The following STAU2 variants were observed in gnomAD, a reference collection of about 807,000 sequenced individuals.
STAU2 encodes the protein double-stranded RNA-binding protein Staufen homolog 2.
Under a neutral mutation model 65.9 loss-of-function variants are expected in STAU2, and 20 were observed. That is an observed-to-expected ratio of 0.30 (90% CI 0.21 to 0.44). STAU2 has a LOEUF of 0.44. STAU2 is among the 20% of genes least tolerant of loss of function. The pLI is 1.00. For synonymous variants in STAU2, 232 were observed against 233.9 expected, an observed-to-expected ratio of 0.99 and a Z score of 0.07; for missense variants, 558 against 683.9, an observed-to-expected ratio of 0.82 and a Z score of 2.05.
intron 13 of STAU2, among the ~76,000 whole-genome samples, chr8:73,536,424 G>A (rs769546890): frequency 2.0e-5 from 3 of 152,130 alleles, no homozygotes; most frequent in African/African-American, 4.8e-5. Flanking sequence ...AATCTTTTAG[G>A]CAATAACTGC....
chr8:73,586,646 C>CAAAAAAA (rs56687221), intron 11 of STAU2, among the ~76,000 whole-genome samples: 1 of 62,740 alleles, frequency 1.6e-5, no homozygotes, highest in African/African-American at 4.8e-5. Flanking sequence ...AAAAAAAATG[C>CAAAAAAA]AAAAAAAAAA....
intron 6 of STAU2, among the ~76,000 whole-genome samples, chr8:73,623,452 C>T (rs927050463): frequency 1.3e-5 from 2 of 152,140 alleles, no homozygotes; most frequent in African/African-American, 4.8e-5. Context: ...ACAGCTTAAA[C>T]ATTCATATCT....
intron 13 of STAU2, among the ~76,000 whole-genome samples, chr8:73,442,747 A>G (rs900716156): frequency 6.6e-6 from 1 of 152,258 alleles, no homozygotes; most frequent in Non-Finnish European, 1.5e-5. Flanking sequence ...AATTTATTCC[A>G]TGATCAGTGA....
chr8:73,521,624 A>C (rs1370831401), intron 13 of STAU2, among the ~76,000 whole-genome samples: 4 of 152,206 alleles, frequency 2.6e-5, no homozygotes, highest in African/African-American at 9.6e-5. Flanking sequence ...CTGCATTTCC[A>C]ATTTTGAACT....
chr8:73,602,212 A>T (rs1014768405), intron 10 of STAU2, among the ~76,000 whole-genome samples: 1 of 152,230 alleles, frequency 6.6e-6, no homozygotes, highest in Non-Finnish European at 1.5e-5. Flanking sequence ...CTGAAAGATA[A>T]AGAAACATGG....
chr8:73,676,301 A>G (rs1818023682), intron 5 of STAU2, among the ~76,000 whole-genome samples: 4 of 152,196 alleles, frequency 2.6e-5, no homozygotes, highest in African/African-American at 9.6e-5. Context: ...TACACTGCAG[A>G]GGGGAATGGA....
At chr8:73,602,577 C>T (rs1214418802) in intron 10 of STAU2, among the ~76,000 whole-genome samples, 2 of 151,932 alleles carry the variant, frequency 1.3e-5, no homozygotes, top group Non-Finnish European at 2.9e-5. Context: ...ATTTAATTAG[C>T]TGGCCATGGT....
At chr8:73,679,600 G>A (rs1282732124) in intron 5 of STAU2, among the ~76,000 whole-genome samples, 1 of 152,126 alleles carries the variant, frequency 6.6e-6, no homozygotes, top group African/African-American at 2.4e-5. Context: ...AGAAGAAGCA[G>A]GCCAGGAATG....
At chr8:73,716,671 T>C (rs1821274859) in intron 3 of STAU2, among the ~76,000 whole-genome samples, 1 of 151,954 alleles carries the variant, frequency 6.6e-6, no homozygotes, top group South Asian at 2.1e-4. Flanking sequence ...ACTTTTTTCA[T>C]TTGCTTATAT....
At chr8:73,427,579 G>A (rs1816918727) in intron 13 of STAU2, among the ~76,000 whole-genome samples, 1 of 152,224 alleles carries the variant, frequency 6.6e-6, no homozygotes, top group South Asian at 2.1e-4. Flanking sequence ...TGACTCTGAG[G>A]TCCTTTTAAG....
At chr8:73,555,148 A>G (rs1807638665) in intron 12 of STAU2, among the ~76,000 whole-genome samples, 1 of 152,162 alleles carries the variant, frequency 6.6e-6, no homozygotes, top group Non-Finnish European at 1.5e-5. Context: ...TGGGAATGGG[A>G]AAGGAGAAGT....
chr8:73,452,938 A>G (rs960111539), intron 13 of STAU2, among the ~76,000 whole-genome samples: 3 of 152,246 alleles, frequency 2.0e-5, no homozygotes, highest in African/African-American at 7.2e-5. Flanking sequence ...AGGTTTAGAA[A>G]CAATAAAATG....
chr8:73,420,754 C>T lies in STAU2; in HGVS notation c.*618G>A, dbSNP rs1040348611. 3.2e-5 allele frequency: 5 copies of T among 155,364 alleles called. No homozygotes were observed. Among genetic ancestry groups the T allele is most frequent in the African/African-American group, 7.2e-5 (3 of 41,462 alleles). The allele number at this position is 155,364 out of a possible 1,614,324, so 9.6% of individuals were successfully genotyped here. The stretch of plus-strand genomic sequence containing the variant: ...AAACTACTTGCTCTTAACATTAGTT[C>T]GTATTTTTCATCAGATATCTGACCT... On this transcript the variant is annotated 3_prime_UTR_variant, in exon 15 of 15. Coordinates refer to ENST00000524300, the MANE Select transcript of STAU2 (RefSeq NM_001164380.2).
intron 1 of STAU2, among the ~76,000 whole-genome samples, chr8:73,740,166 A>T (rs985269709): frequency 2.0e-5 from 3 of 152,172 alleles, no homozygotes; most frequent in African/African-American, 7.2e-5. Flanking sequence ...TGCAACCCCA[A>T]CTGACAGCTT....
At chr8:73,459,138 C>T (rs2128898693) in intron 13 of STAU2, among the ~76,000 whole-genome samples, 1 of 152,200 alleles carries the variant, frequency 6.6e-6, no homozygotes. Context: ...CTAACGGCTG[C>T]TGTTTTGGTG....
intron 13 of STAU2, among the ~76,000 whole-genome samples, chr8:73,510,583 T>G (rs1046165307): frequency 6.6e-6 from 1 of 152,166 alleles, no homozygotes; most frequent in Non-Finnish European, 1.5e-5. Flanking sequence ...AGGAAACAGG[T>G]TTAACTGGCT....
chr8:73,421,506 T>G (rs964213512), intron 14 of STAU2, 41 bp from the exon 15 acceptor site: 35 of 1,528,356 alleles, frequency 2.3e-5, no homozygotes, highest in Non-Finnish European at 2.9e-5. Flanking sequence ...AGGCCTGGGG[T>G]TGCACATCTT....
chr8:73,496,428 C>T (rs1183722674), intron 13 of STAU2, among the ~76,000 whole-genome samples: 1 of 151,570 alleles, frequency 6.6e-6, no homozygotes, highest in Non-Finnish European at 1.5e-5. Context: ...AGGAAGTGTG[C>T]TAGAATGGAA....
chr8:73,433,509 T>C (rs1165405668), intron 13 of STAU2, among the ~76,000 whole-genome samples: 1 of 150,304 alleles, frequency 6.7e-6, no homozygotes, highest in Non-Finnish European at 1.5e-5. Flanking sequence ...CCGCCTTTTT[T>C]TTTTTTTTTT....
Sources: gnomAD v4.1 joint callset for allele counts (sites outside exome capture counted in the v4.1 genomes callset) on GRCh38, gnomAD v4.1.1 for gene constraint, MANE v1.5 for transcripts, NCBI Gene and HGNC (gene_info 2026-07-23, HGNC 2026-07-21) for gene names.